The following DNAH12 variants were observed in gnomAD, a reference collection of about 807,000 sequenced individuals.
DNAH12 encodes the protein dynein axonemal heavy chain 12.
In DNAH12, 285 loss-of-function variants were observed where a neutral mutation model predicts 371.5. That is an observed-to-expected ratio of 0.77 (90% CI 0.70 to 0.85). DNAH12 has a LOEUF of 0.85. DNAH12 is among the 40% of genes least tolerant of loss of function. DNAH12 has a pLI of 0.00. For missense variants in DNAH12, 3,611 were observed against 3,689.4 expected (o/e 0.98, Z 0.55); for synonymous variants, 1,200 against 1,213.0 (o/e 0.99, Z 0.22).
At chr3:57,304,621 T>C (rs1279327113) in intron 69 of DNAH12, among the ~76,000 whole-genome samples, 1 of 152,116 alleles carries the variant, frequency 6.6e-6, no homozygotes, top group Non-Finnish European at 1.5e-5. Flanking sequence ...CTTCCCTTGG[T>C]TTTTAATCAC....
chr3:57,399,548 A>G (rs1374328589), intron 43 of DNAH12, among the ~76,000 whole-genome samples: 1 of 152,232 alleles, frequency 6.6e-6, no homozygotes, highest in African/African-American at 2.4e-5. Flanking sequence ...ATAGACTTTA[A>G]GTCAAAAACA....
At chr3:57,416,163 A>C (rs1417845994) in intron 37 of DNAH12, among the ~76,000 whole-genome samples, 3 of 152,140 alleles carry the variant, frequency 2.0e-5, no homozygotes, top group Non-Finnish European at 4.4e-5. Context: ...AGCTCACTGC[A>C]GCCTTGAACT....
chr3:57,415,380 G>T, intron 38 of DNAH12, 46 bp downstream of exon 38: 1 of 1,534,496 alleles, frequency 6.5e-7, no homozygotes, highest in Admixed American at 2.2e-5. Context: ...GAGCAAATAA[G>T]ACAAAAAAAT....
chr3:57,302,565 G>GTTT (rs1407756841), intron 69 of DNAH12, among the ~76,000 whole-genome samples: 1 of 28,858 alleles, frequency 3.5e-5, no homozygotes. Flanking sequence ...ATATATATAT[G>GTTT]TATTTTTTTT....
At chr3:57,420,136 C>T (rs2064521454) in intron 36 of DNAH12, among the ~76,000 whole-genome samples, 2 of 152,196 alleles carry the variant, frequency 1.3e-5, no homozygotes, top group Admixed American at 1.3e-4. Flanking sequence ...TCTTCTGAAT[C>T]ACTGGCTAAA....
chr3:57,403,553 A>G lies in DNAH12; in HGVS notation c.6756-52T>C. The G allele has an allele frequency of 2.7e-6, 4 of 1,454,820 alleles. No individual in the cohort carries two copies. In the Admixed American group the frequency reaches 6.9e-5, roughly 25 times the overall value. 90.1% of individuals were successfully genotyped at this position (1,454,820 alleles called of 1,614,324 possible). ...TGCATTACAATATAAATGTAAATGT[A>G]TAGTTACATGTAACTATTGTTTCAC... is the stretch of plus-strand genomic sequence containing the variant. On this transcript the variant is annotated intron_variant, in intron 42 of 73. Coordinates refer to ENST00000495027, the MANE Select transcript of DNAH12 (RefSeq NM_001366028.2).
At chr3:57,432,732 G>A (rs1171064439) in intron 32 of DNAH12, among the ~76,000 whole-genome samples, 2 of 151,178 alleles carry the variant, frequency 1.3e-5, no homozygotes, top group Non-Finnish European at 3.0e-5. Flanking sequence ...GAAGTCAGAA[G>A]AGTGATTATC....
chr3:57,402,590 G>A (rs558305088), intron 43 of DNAH12, among the ~76,000 whole-genome samples: 1 of 152,288 alleles, frequency 6.6e-6, no homozygotes, highest in African/African-American at 2.4e-5. Context: ...GGTACAGAAA[G>A]ATAAACATTA....
In DNAH12 at chr3:57,334,934, C is replaced by T; in HGVS notation, c.9681G>A (p.Arg3227=). 4 of 1,544,356 alleles carry T rather than the reference C, an allele frequency of 2.6e-6. No individual in the cohort carries two copies. Among genetic ancestry groups the T allele is most frequent in the Non-Finnish European group, 3.5e-6 (4 of 1,145,328 alleles). The stretch of plus-strand genomic sequence containing the variant: ...TCAGTTCCTGGTATTCAATCTCTTT[C>T]CTTGCCCTGTATTCCCAAAATAAGG... The part of the protein sequence containing the change: ...FLLCANLLLA[R]KEIEYQELMF... Residue 3227 remains arginine, a synonymous_variant, in exon 61 of 74, where the codon AGG becomes AGA. Coordinates refer to ENST00000495027, the MANE Select transcript of DNAH12 (RefSeq NM_001366028.2).
In DNAH12 at chr3:57,483,839, C is replaced by T. The variant is rs896889760; in HGVS notation, c.1515-328G>A. On this transcript the variant is annotated intron_variant, in intron 12 of 73. Coordinates refer to ENST00000495027, the MANE Select transcript of DNAH12 (RefSeq NM_001366028.2). Reference sequence around the variant, plus strand: ...TGGTGGCACATGCCTGTAGTCCCAGCTACTTGGGAAGCTGAGGCAGGAGGA... The same window carrying T: ...TGGTGGCACATGCCTGTAGTCCCAGTTACTTGGGAAGCTGAGGCAGGAGGA... 2.7e-5 allele frequency among the ~76,000 whole-genome samples: 4 copies of T among 149,192 alleles called. 1 individual carries two copies. The highest frequency in any genetic ancestry group is 2.0e-4 in the Admixed American group (3 of 14,674).
intron 32 of DNAH12, among the ~76,000 whole-genome samples, chr3:57,431,050 TA>T (rs1395045142): frequency 6.6e-6 from 1 of 152,222 alleles, no homozygotes; most frequent in Non-Finnish European, 1.5e-5. Context: ...TGCAGTATTG[TA>T]AAAAGTTCTA....
chr3:57,423,122 G>A (rs768342466), intron 35 of DNAH12, among the ~76,000 whole-genome samples: 9 of 152,004 alleles, frequency 5.9e-5, no homozygotes, highest in Non-Finnish European at 8.8e-5. Context: ...TTTACTCTAG[G>A]TACATGCCTT....
At chr3:57,521,227 T>G (rs780530791) in intron 4 of DNAH12, among the ~76,000 whole-genome samples, 8 of 152,114 alleles carry the variant, frequency 5.3e-5, no homozygotes, top group Non-Finnish European at 8.8e-5. Context: ...ATGTTTTACA[T>G]TTACACCTAT....
At chr3:57,361,444 C>CTATA (rs1201361123) in intron 58 of DNAH12, among the ~76,000 whole-genome samples, 7,573 of 116,538 alleles carry the variant, frequency 0.065, 278 homozygotes, top group Non-Finnish European at 0.086. Context: ...CACACACACA[C>CTATA]TATATATATA....
At chr3:57,421,193 A>G (rs142756082) in intron 36 of DNAH12, among the ~76,000 whole-genome samples, 252 of 152,276 alleles carry the variant, frequency 1.7e-3, no homozygotes, top group African/African-American at 5.6e-3. Context: ...ATTATAACTA[A>G]TGCTCTATCT....
chr3:57,388,708 G>A (rs1221659690), intron 45 of DNAH12, among the ~76,000 whole-genome samples: 1 of 152,036 alleles, frequency 6.6e-6, no homozygotes, highest in African/African-American at 2.4e-5. Flanking sequence ...TATACACCAT[G>A]GAATACTATG....
chr3:57,499,320 A>G (rs1409369196), intron 11 of DNAH12, among the ~76,000 whole-genome samples: 2 of 151,920 alleles, frequency 1.3e-5, no homozygotes, highest in Non-Finnish European at 2.9e-5. Context: ...ATTTGTCAAA[A>G]CTCATATAAC....
intron 37 of DNAH12, among the ~76,000 whole-genome samples, chr3:57,416,974 G>C (rs2064396530): frequency 6.6e-6 from 1 of 152,100 alleles, no homozygotes; most frequent in South Asian, 2.1e-4. Context: ...ACACAGGCCA[G>C]GCGCGGTGGC....
chr3:57,339,218 T>C (rs2062327558), intron 60 of DNAH12, among the ~76,000 whole-genome samples: 1 of 152,136 alleles, frequency 6.6e-6, no homozygotes, highest in South Asian at 2.1e-4. Context: ...TTATCTCAAG[T>C]ACCCAGGGAC....
Sources: allele counts gnomAD v4.1 joint callset (sites outside exome capture counted in the v4.1 genomes callset), GRCh38; gene constraint gnomAD v4.1.1; transcripts MANE v1.5; gene names NCBI Gene and HGNC (gene_info 2026-07-23, HGNC 2026-07-21).